KCND2: variants seen among roughly 807,000 people sequenced by gnomAD.
The protein encoded by KCND2 is potassium voltage-gated channel subfamily D member 2, also known as A-type voltage-gated potassium channel KCND2.
In KCND2, 16 loss-of-function variants were observed where a neutral mutation model predicts 54.4. That is an observed-to-expected ratio of 0.29 (90% CI 0.20 to 0.45). The LOEUF is 0.45. Among genes scored for constraint, KCND2 ranks in the 20% least tolerant of loss-of-function variants. KCND2 has a pLI of 1.00. For synonymous variants in KCND2, 317 were observed against 310.7 expected, an observed-to-expected ratio of 1.02 and a Z score of -0.21; for missense variants, 486 against 824.2, an observed-to-expected ratio of 0.59 and a Z score of 5.02.
intron 1 of KCND2, among the ~76,000 whole-genome samples, chr7:120,446,284 T>C (rs1037534273): frequency 3.3e-5 from 5 of 152,176 alleles, no homozygotes; most frequent in African/African-American, 1.2e-4. Context: ...AGATGTATGT[T>C]GAATTTGATC....
At chr7:120,316,911 C>G (rs1363905641) in intron 1 of KCND2, among the ~76,000 whole-genome samples, 1 of 151,830 alleles carries the variant, frequency 6.6e-6, no homozygotes, top group South Asian at 2.1e-4. Context: ...TCTCAGCTCA[C>G]AGCAACCTCT....
At chr7:120,294,395 A>G (rs1799478977) in intron 1 of KCND2, among the ~76,000 whole-genome samples, 1 of 151,896 alleles carries the variant, frequency 6.6e-6, no homozygotes, top group Non-Finnish European at 1.5e-5. Flanking sequence ...AATTCATTTC[A>G]GCTTACCCTT....
Position 120,749,976 on chromosome 7 carries a change from GTTAGGTTATTTCAA to G in KCND2, c.*2121_*2134del, listed in dbSNP as rs1209498700. On this transcript the variant is annotated 3_prime_UTR_variant, in exon 6 of 6. Transcript: ENST00000331113. Reference sequence around the variant, plus strand: ...TTAATATTACATACAAGAAAATGCAGTTAGGTTATTTCAATTGACAATTCTGCCTCCTCTTTTGA... The same window carrying G: ...TTAATATTACATACAAGAAAATGCAGTTGACAATTCTGCCTCCTCTTTTGA... The G allele has an allele frequency of 6.6e-6, 1 of 151,800 alleles. No homozygotes were observed. The highest frequency in any genetic ancestry group is 1.5e-5 in the Non-Finnish European group (1 of 67,810). The allele number at this position is 151,800 out of a possible 1,614,324, so 9.4% of individuals were successfully genotyped here. A position where few individuals can be genotyped will look rare whatever the true frequency, so the allele number is the denominator to read the frequency against.
chr7:120,464,853 C>T (rs552499732), intron 1 of KCND2, among the ~76,000 whole-genome samples: 107 of 152,244 alleles, frequency 7.0e-4, no homozygotes, highest in Non-Finnish European at 1.3e-3. Flanking sequence ...TTGGAGCCCC[C>T]GTGTTTCAAA....
chr7:120,598,914 G>T (rs1424904389), intron 1 of KCND2, among the ~76,000 whole-genome samples: 2 of 151,906 alleles, frequency 1.3e-5, no homozygotes, highest in Admixed American at 6.6e-5. Flanking sequence ...ACTAATCAAG[G>T]TTACTTTTGT....
At chr7:120,658,252 G>A (rs1050942200) in intron 1 of KCND2, among the ~76,000 whole-genome samples, 20 of 152,092 alleles carry the variant, frequency 1.3e-4, no homozygotes, top group African/African-American at 4.3e-4. Flanking sequence ...AGTCTCCCCT[G>A]TTCCTGCTGT....
At chr7:120,490,729 C>T (rs992812400) in intron 1 of KCND2, among the ~76,000 whole-genome samples, 10 of 152,080 alleles carry the variant, frequency 6.6e-5, no homozygotes, top group Admixed American at 1.3e-4. Context: ...AGATTGCAAA[C>T]GTGCTAATGT....
At chr7:120,539,167 G>A (rs1013905004) in intron 1 of KCND2, among the ~76,000 whole-genome samples, 17 of 152,006 alleles carry the variant, frequency 1.1e-4, no homozygotes, top group African/African-American at 3.6e-4. Context: ...CAACTAGATA[G>A]AAAATTGATA....
At chr7:120,683,101 A>G (rs562759060) in intron 1 of KCND2, among the ~76,000 whole-genome samples, 52 of 152,266 alleles carry the variant, frequency 3.4e-4, no homozygotes, top group Non-Finnish European at 6.0e-4. Flanking sequence ...GGCTTAGACA[A>G]TATATTGATT....
intron 1 of KCND2, among the ~76,000 whole-genome samples, chr7:120,563,828 A>C (rs1250470885): frequency 6.6e-6 from 1 of 152,114 alleles, no homozygotes; most frequent in South Asian, 2.1e-4. Context: ...CCAGATAGAT[A>C]TCTTCTATAC....
Position 120,273,528 on chromosome 7 carries a change from T to C in KCND2, c.-1105T>C. ...CCTCCGTTCTCGCCTCCCCCGCACC[T>C]TTTGAACTTGTTGCTGCTGCTCTGC... is the stretch of plus-strand genomic sequence containing the variant. On this transcript the variant is annotated 5_prime_UTR_variant, in exon 1 of 6. Transcript: ENST00000331113. 1 of 153,224 alleles carries C rather than the reference T, an allele frequency of 6.5e-6. No individual in the cohort carries two copies. Among genetic ancestry groups the C allele is most frequent in the African/African-American group, 2.4e-5 (1 of 41,542 alleles). 9.5% of individuals were successfully genotyped at this position (153,224 alleles called of 1,614,324 possible).
Position 120,535,854 on chromosome 7 carries a change from C to T in KCND2, c.1116-197049C>T, listed in dbSNP as rs376826154. ...GAGATAGGCCATGATGCTCAGAAGA[C>T]CCTTGCATAGTCCATAATGCTAGAT... On this transcript the variant is annotated intron_variant, in intron 1 of 5. Transcript: ENST00000331113. Among the ~76,000 whole-genome samples the T allele has an allele frequency of 3.9e-5, 6 of 152,206 alleles. No homozygotes were observed. In the East Asian group the frequency reaches 9.7e-4, roughly 25 times the overall value.
intron 1 of KCND2, among the ~76,000 whole-genome samples, chr7:120,488,706 G>A (rs577482117): frequency 1.3e-5 from 2 of 151,660 alleles, no homozygotes; most frequent in South Asian, 4.2e-4. Context: ...TTCTTTTCTA[G>A]GGGTTTAAAA....
At chr7:120,707,008 T>C (rs1792477290) in intron 1 of KCND2, among the ~76,000 whole-genome samples, 1 of 152,176 alleles carries the variant, frequency 6.6e-6, no homozygotes, top group Non-Finnish European at 1.5e-5. Context: ...GTAGTACTAT[T>C]ACAGGTTTAT....
chr7:120,578,244 A>G (rs1335428141), intron 1 of KCND2, among the ~76,000 whole-genome samples: 2 of 152,126 alleles, frequency 1.3e-5, no homozygotes, highest in Non-Finnish European at 2.9e-5. Context: ...GCCATGATCA[A>G]GCCACTGTGC....
At chr7:120,441,646 A>G (rs961281650) in intron 1 of KCND2, among the ~76,000 whole-genome samples, 14 of 152,180 alleles carry the variant, frequency 9.2e-5, no homozygotes, top group Non-Finnish European at 1.6e-4. Context: ...TTTATGTAAC[A>G]TGCAGTTAAC....
intron 1 of KCND2, among the ~76,000 whole-genome samples, chr7:120,397,989 G>A (rs375453237): frequency 9.6e-3 from 383 of 39,780 alleles, no homozygotes; most frequent in Middle Eastern, 0.036. Flanking sequence ...GTGTGTGTGT[G>A]TGTGTGTATA....
intron 1 of KCND2, among the ~76,000 whole-genome samples, chr7:120,372,307 C>T (rs1401572911): frequency 6.6e-6 from 1 of 151,700 alleles, no homozygotes; most frequent in Non-Finnish European, 1.5e-5. Flanking sequence ...GACACTGCTC[C>T]ACTTCTCTTA....
intron 1 of KCND2, among the ~76,000 whole-genome samples, chr7:120,368,387 C>T (rs1800717181): frequency 6.6e-6 from 1 of 150,460 alleles, no homozygotes; most frequent in South Asian, 2.1e-4. Context: ...CAACTACTAC[C>T]CTGAAAAAAT....
Sources: allele counts gnomAD v4.1 joint callset (sites outside exome capture counted in the v4.1 genomes callset), GRCh38; gene constraint gnomAD v4.1.1; transcripts MANE v1.5; gene names NCBI Gene and HGNC (gene_info 2026-07-23, HGNC 2026-07-21).